MAP6: variants seen among roughly 807,000 people sequenced by gnomAD.
The protein encoded by MAP6 is microtubule-associated protein 6.
MAP6 carries 26 observed loss-of-function variants against 42.4 expected under a neutral mutation model. The ratio of observed to expected loss-of-function variants is 0.61; its 90% confidence interval spans 0.45 to 0.85. The LOEUF (loss-of-function observed/expected upper bound fraction) is 0.85, where lower values mean the gene tolerates loss of function less well. MAP6 is among the 40% of genes least tolerant of loss of function. The pLI, the probability that MAP6 is intolerant of heterozygous loss-of-function variation, is 0.00. For synonymous variants in MAP6, 418 were observed against 443.8 expected, an observed-to-expected ratio of 0.94 and a Z score of 0.73; for missense variants, 966 against 1,099.0, an observed-to-expected ratio of 0.88 and a Z score of 1.71.
In MAP6 at chr11:75,668,395, T is replaced by G. The variant is rs775671767; in HGVS notation, c.-26A>C. 5 of 1,562,632 alleles carry G rather than the reference T, an allele frequency of 3.2e-6. No individual in the cohort carries two copies. The South Asian group carries it at 5.6e-5, about 18-fold the overall frequency. The stretch of plus-strand genomic sequence containing the variant: ...GATGCTAGCTGAAAAGCCGGCCTCC[T>G]CTTTCTTCTTGTGGTTCTAAAGCAA... On this transcript the variant is annotated 5_prime_UTR_variant, in exon 1 of 4. Coordinates refer to ENST00000304771, the MANE Select transcript of MAP6 (RefSeq NM_033063.2).
chr11:75,608,266 G>C lies in MAP6; in HGVS notation c.962C>G (p.Pro321Arg). 6.2e-7 allele frequency: 1 copy of C among 1,614,180 alleles called. No homozygotes were observed. Among genetic ancestry groups the C allele is most frequent in the Non-Finnish European group, 8.5e-7 (1 of 1,180,038 alleles). The change falls in exon 2 of 4, where the codon CCC (proline) becomes CGC (arginine). Residue 321 changes from proline to arginine, a missense_variant. By Grantham distance (103) the Pro-to-Arg change is moderately radical. Coordinates refer to ENST00000304771, the MANE Select transcript of MAP6 (RefSeq NM_033063.2). ...IKPVKPIKAK[P>R]QYKPPDDKMV... ...CTTATCATCTGGGGGCTTGTACTGG[G>C]GCTTGGCCTTTATTGGTTTCACAGG...
chr11:75,667,315 GGTGGCCTGGGAGGCGGCTGGGGAGAGGGT>G lies in MAP6; in HGVS notation c.905+121_905+149del. 1.6e-6 allele frequency: 1 copy of G among 633,540 alleles called. No individual in the cohort carries two copies. Among genetic ancestry groups the G allele is most frequent in the African/African-American group, 1.9e-5 (1 of 51,294 alleles). The allele number at this position is 633,540 out of a possible 1,614,324, so 39.2% of individuals were successfully genotyped here. A position where few individuals can be genotyped will look rare whatever the true frequency, so the allele number is the denominator to read the frequency against. On this transcript the variant is annotated intron_variant, in intron 1 of 3. Coordinates refer to ENST00000304771, the MANE Select transcript of MAP6 (RefSeq NM_033063.2). This position sits in a 1 kb window ranked among gnomAD's most constrained non-coding sequence, Gnocchi z 5.6. ...GGCAGAAGAGAAGGCTTCGACAGGA[GGTGGCCTGGGAGGCGGCTGGGGAGAGGGT>G]GTGGCCTGGGACTGGAGGGAGGCTG... is the stretch of plus-strand genomic sequence containing the variant.
At chr11:75,632,584 C>T (rs573797505) in intron 1 of MAP6, among the ~76,000 whole-genome samples, 1 of 152,252 alleles carries the variant, frequency 6.6e-6, no homozygotes, top group South Asian at 2.1e-4. Flanking sequence ...CTACTGGCTT[C>T]TAACTGTTCA....
rs776231239 is a variant in MAP6 at position 75,587,888 on chromosome 11, T to A, written c.1613A>T (p.Lys538Met). 1 of 1,614,176 alleles carries A rather than the reference T, an allele frequency of 6.2e-7. No homozygotes were observed. Among genetic ancestry groups the A allele is most frequent in the South Asian group, 1.1e-5 (1 of 91,082 alleles). ...DQGPSVPVPP[K>M]NQSPMVPAKV... The stretch of plus-strand genomic sequence containing the variant: ...TGCTGGAACCATAGGACTTTGATTC[T>A]TTGGAGGAACTGGGACCGAGGGACC... The change falls in exon 4 of 4, where the codon AAG (lysine) becomes ATG (methionine). Residue 538 changes from lysine to methionine, a missense_variant. Around this residue, in one of 2 missense-constraint regions of MAP6, gnomAD observed 943 missense variants for 1,049.9 expected, o/e 0.90. Coordinates refer to ENST00000304771, the MANE Select transcript of MAP6 (RefSeq NM_033063.2).
At chr11:75,635,986 G>A (rs1160745063) in intron 1 of MAP6, 2 of 152,196 alleles carry the variant, frequency 1.3e-5, no homozygotes, top group Admixed American at 1.3e-4. Flanking sequence ...TCTCCACACT[G>A]GTTCCCAACT....
At chr11:75,620,262 G>T (rs756170858) in intron 1 of MAP6, among the ~76,000 whole-genome samples, 1 of 152,158 alleles carries the variant, frequency 6.6e-6, no homozygotes, top group African/African-American at 2.4e-5. Context: ...TTGAGCCCAG[G>T]AGTTTGAGAC....
intron 3 of MAP6, chr11:75,604,056 T>G (rs1942713962): frequency 1.0e-6 from 1 of 985,778 alleles, no homozygotes; most frequent in Non-Finnish European, 1.2e-6. Context: ...TTTCAAAATC[T>G]GTGACTCATA....
intron 1 of MAP6, among the ~76,000 whole-genome samples, chr11:75,614,564 C>T (rs1033540466): frequency 1.3e-5 from 2 of 152,102 alleles, no homozygotes; most frequent in Non-Finnish European, 2.9e-5. Flanking sequence ...AGGCCCATGT[C>T]GGGAGGAACT....
rs1402942001 is a variant in MAP6 at position 75,605,841 on chromosome 11, T to C, written c.1283A>G (p.Lys428Arg). 3 of 1,614,216 alleles carry C rather than the reference T, an allele frequency of 1.9e-6. No individual in the cohort carries two copies. Among genetic ancestry groups the C allele is most frequent in the African/African-American group, 2.7e-5 (2 of 75,048 alleles). ...TTKPDDKEQS[K>R]EMNNKLAEAK... ...CTCAGCCAGTTTATTGTTCATCTCT[T>C]TGCTTTGCTCCTTGTCGTCTGGCTT... is the stretch of plus-strand genomic sequence containing the variant. The change falls in exon 3 of 4, where the codon AAA becomes AGA. Residue 428 changes from lysine to arginine, a missense_variant. This residue lies in a region of MAP6 where 943 missense variants were observed against 1,049.9 expected (regional missense o/e 0.90). Coordinates refer to ENST00000304771, the MANE Select transcript of MAP6 (RefSeq NM_033063.2).
chr11:75,592,235 A>T (rs1942491511), intron 3 of MAP6, among the ~76,000 whole-genome samples: 1 of 152,070 alleles, frequency 6.6e-6, no homozygotes, highest in South Asian at 2.1e-4. Context: ...CTGCTGCAGC[A>T]CCGTCTCACA....
At position 75,621,268 on chromosome 11, in the gene MAP6, G is replaced by A. The variant is rs983869407; in HGVS notation, c.906-12946C>T. Among the ~76,000 whole-genome samples the A allele has an allele frequency of 1.9e-4, 29 of 151,996 alleles. 2 individuals are homozygous for A. Among genetic ancestry groups the A allele is most frequent in the Non-Finnish European group, 2.9e-5 (2 of 68,018 alleles). ...AGGCAGGCAGATCAGTTGAGGCCAG[G>A]AGTTCAAGACCAACCTTGCCAACAT... On this transcript the variant is annotated intron_variant, in intron 1 of 3. Coordinates refer to ENST00000304771, the MANE Select transcript of MAP6 (RefSeq NM_033063.2).
Position 75,668,540 on chromosome 11 carries a change from C to T in MAP6, c.-171G>A. 2.1e-6 allele frequency: 2 copies of T among 955,762 alleles called. No homozygotes were observed. The highest frequency in any genetic ancestry group is 2.8e-6 in the Non-Finnish European group (2 of 708,992). 59.2% of individuals were successfully genotyped at this position (955,762 alleles called of 1,614,324 possible). A position where few individuals can be genotyped will look rare whatever the true frequency, so the allele number is the denominator to read the frequency against. ...TCCCTCAGCGAGCACCCGGGGAGAG[C>T]TGTCCTAGGAGAGTCTGTAGAGTCC... On this transcript the variant is annotated 5_prime_UTR_variant, in exon 1 of 4. Coordinates refer to ENST00000304771, the MANE Select transcript of MAP6 (RefSeq NM_033063.2).
At position 75,588,012 on chromosome 11, in the gene MAP6, C is replaced by T. The variant is rs780809751; in HGVS notation, c.1489G>A (p.Gly497Ser). 5 of 1,614,164 alleles carry T rather than the reference C, an allele frequency of 3.1e-6. No homozygotes were observed. The highest frequency in any genetic ancestry group is 3.4e-6 in the Non-Finnish European group (4 of 1,180,034). ...TTGACTGGTAATGGGATCATGGGAC[C>T]TAGATCCTTTGGAGGCCCTGGGACC... The part of the protein sequence containing the change: ...SVVPGPPKDL[G>S]PMIPLPVKDQ... The change falls in exon 4 of 4, where the codon GGT becomes AGT. Residue 497 changes from glycine to serine, a missense_variant. Around this residue, in one of 2 missense-constraint regions of MAP6, gnomAD observed 943 missense variants for 1,049.9 expected, o/e 0.90. Transcript: ENST00000304771.
intron 1 of MAP6, among the ~76,000 whole-genome samples, chr11:75,614,079 T>C (rs1942954296): frequency 6.6e-6 from 1 of 152,220 alleles, no homozygotes; most frequent in Non-Finnish European, 1.5e-5. Context: ...TGTACCTCTC[T>C]GTAGCATGCA....
chr11:75,629,813 G>A (rs758346100), intron 1 of MAP6, among the ~76,000 whole-genome samples: 3 of 152,152 alleles, frequency 2.0e-5, no homozygotes, highest in Non-Finnish European at 2.9e-5. Context: ...GGGCATTGCC[G>A]GGAGGGGAGT....
chr11:75,590,133 T>A (rs2135569882), intron 3 of MAP6, among the ~76,000 whole-genome samples: 1 of 152,228 alleles, frequency 6.6e-6, no homozygotes, highest in South Asian at 2.1e-4. Flanking sequence ...GTGAGAAGCA[T>A]GTGGAATCCA....
intron 3 of MAP6, among the ~76,000 whole-genome samples, chr11:75,602,262 G>A (rs1381591561): frequency 1.3e-5 from 2 of 151,886 alleles, no homozygotes; most frequent in Admixed American, 6.6e-5. Flanking sequence ...AGAGCCTTCC[G>A]CAACTCCCCA....
intron 1 of MAP6, among the ~76,000 whole-genome samples, chr11:75,649,276 T>C (rs1943610233): frequency 6.6e-6 from 1 of 152,178 alleles, no homozygotes; most frequent in Non-Finnish European, 1.5e-5. Context: ...AGATATGTGA[T>C]GTTGGGTGAA....
At chr11:75,622,385 C>A (rs1169510333) in intron 1 of MAP6, among the ~76,000 whole-genome samples, 1 of 152,048 alleles carries the variant, frequency 6.6e-6, no homozygotes, top group Admixed American at 6.6e-5. Context: ...TCTGAGATTA[C>A]ATGTATGAGC....
Sources: allele counts gnomAD v4.1 joint callset (sites outside exome capture counted in the v4.1 genomes callset), GRCh38; gene constraint gnomAD v4.1.1; regional missense constraint gnomAD v4.1.1; non-coding constraint Gnocchi (gnomAD v3.1); transcripts MANE v1.5; gene names NCBI Gene and HGNC (gene_info 2026-07-23, HGNC 2026-07-21).